Variants in DGKB observed in about 807,000 individuals in gnomAD.
DGKB encodes the protein diacylglycerol kinase beta.
A neutral mutation model predicts 114.3 loss-of-function variants in DGKB; 67 were observed. The observed-to-expected ratio is 0.59, with a 90% CI of 0.48 to 0.72. The LOEUF is 0.72. Ranked by LOEUF, DGKB falls within the 30% of genes least tolerant of loss-of-function variation. The probability of loss-of-function intolerance (pLI) is 0.00; values close to 1 mark genes in which losing one functional copy is unlikely to be tolerated. For synonymous variants in DGKB, 398 were observed against 323.1 expected (o/e 1.23, Z -2.49); for missense variants, 907 against 975.2 (o/e 0.93, Z 0.93).
intron 21 of DGKB, among the ~76,000 whole-genome samples, chr7:14,472,103 A>G (rs922897379): frequency 1.3e-5 from 2 of 152,212 alleles, no homozygotes; most frequent in Admixed American, 6.5e-5. Context: ...GGTGTTACAC[A>G]TTAAGAATTT....
chr7:14,530,422 C>T (rs1791386148), intron 20 of DGKB, among the ~76,000 whole-genome samples: 1 of 151,482 alleles, frequency 6.6e-6, no homozygotes. Context: ...GAAAAAAACC[C>T]TGTATGGAAG....
At chr7:14,307,720 T>C (rs967157553) in intron 23 of DGKB, among the ~76,000 whole-genome samples, 3 of 152,220 alleles carry the variant, frequency 2.0e-5, no homozygotes, top group Admixed American at 6.5e-5. Context: ...ACTTATACAT[T>C]GCTAAGTATA....
chr7:14,653,866 C>A (rs1336317169), intron 13 of DGKB, among the ~76,000 whole-genome samples: 1 of 151,934 alleles, frequency 6.6e-6, no homozygotes, highest in Non-Finnish European at 1.5e-5. Context: ...AAAAATTGGA[C>A]ATAGAATTAG....
At chr7:14,168,519 A>G (rs1784930411) in intron 25 of DGKB, among the ~76,000 whole-genome samples, 2 of 152,252 alleles carry the variant, frequency 1.3e-5, no homozygotes, top group African/African-American at 4.8e-5. Flanking sequence ...TCAAAGTCCA[A>G]CTGCTGAAAA....
chr7:14,966,947 G>A (rs931000418), intron 1 of DGKB, among the ~76,000 whole-genome samples: 1 of 151,886 alleles, frequency 6.6e-6, no homozygotes, highest in African/African-American at 2.4e-5. Context: ...TTCATCTTAA[G>A]GAAATATTAT....
Position 14,372,404 on chromosome 7 carries a change from C to T in DGKB, c.1836-27013G>A, listed in dbSNP as rs570329339. Among the ~76,000 whole-genome samples the T allele has an allele frequency of 4.1e-4, 62 of 152,206 alleles. 1 individual carries two copies. Among genetic ancestry groups the T allele is most frequent in the African/African-American group, 1.4e-3 (60 of 41,528 alleles). On this transcript the variant is annotated intron_variant, in intron 21 of 25. Coordinates refer to ENST00000402815, the MANE Select transcript of DGKB (RefSeq NM_001350709.2). ...CCTCTAATCTGCCATCTTGGGAGTG[C>T]GTAGTGGGGGGAACTATATTTTTAA...
intron 20 of DGKB, among the ~76,000 whole-genome samples, chr7:14,545,688 G>A (rs1269403268): frequency 6.6e-6 from 1 of 152,096 alleles, no homozygotes; most frequent in South Asian, 2.1e-4. Context: ...TGCTACACTG[G>A]GATCTGCTGG....
intron 4 of DGKB, among the ~76,000 whole-genome samples, chr7:14,746,518 CAA>C (rs774308129): frequency 5.3e-4 from 81 of 152,082 alleles, no homozygotes; most frequent in Non-Finnish European, 9.0e-4. Flanking sequence ...TTTTTTGAGA[CAA>C]AGTCTTGCTC....
intron 12 of DGKB, among the ~76,000 whole-genome samples, chr7:14,676,503 C>T (rs1385925835): frequency 6.6e-6 from 1 of 152,094 alleles, no homozygotes; most frequent in African/African-American, 2.4e-5. Flanking sequence ...GCTTATTTCA[C>T]ATTGCATGCC....
intron 17 of DGKB, among the ~76,000 whole-genome samples, chr7:14,584,818 C>G (rs1015073654): frequency 2.0e-5 from 3 of 151,970 alleles, no homozygotes; most frequent in Admixed American, 6.6e-5. Flanking sequence ...TGCCACCACG[C>G]CTGGCTAATT....
intron 21 of DGKB, among the ~76,000 whole-genome samples, chr7:14,411,545 G>A (rs1030769289): frequency 2.6e-4 from 40 of 152,120 alleles, no homozygotes; most frequent in Non-Finnish European, 5.0e-4. Context: ...GGTTCAAATT[G>A]TTGGTCTACC....
At chr7:14,745,935 G>A (rs1833218560) in intron 4 of DGKB, among the ~76,000 whole-genome samples, 1 of 152,162 alleles carries the variant, frequency 6.6e-6, no homozygotes, top group African/African-American at 2.4e-5. Flanking sequence ...TTTTCAGCAT[G>A]CAGGAAAACT....
rs144321152 is a variant in DGKB, at chr7:14,490,212, G to C, written c.1771-11987C>G. ...GTTAAGGTAGCCAAAACTTAAACCA[G>C]AATATATGTAACTATATGTAAATAG... On this transcript the variant is annotated intron_variant, in intron 20 of 25. Transcript: ENST00000402815. 1.2e-3 allele frequency among the ~76,000 whole-genome samples: 175 copies of C among 152,154 alleles called. 2 individuals are homozygous for C. The highest frequency in any genetic ancestry group is 4.0e-3 in the African/African-American group (168 of 41,522).
chr7:14,429,714 A>G (rs1377383954), intron 21 of DGKB, among the ~76,000 whole-genome samples: 1 of 152,136 alleles, frequency 6.6e-6, no homozygotes, highest in African/African-American at 2.4e-5. Flanking sequence ...CGAGGTCAGG[A>G]GTTCAAGACC....
chr7:14,620,840 C>A (rs1217115933), intron 15 of DGKB, among the ~76,000 whole-genome samples: 1 of 151,420 alleles, frequency 6.6e-6, no homozygotes, highest in African/African-American at 2.4e-5. Flanking sequence ...GTTTATTTAA[C>A]CTAGATATAT....
chr7:14,501,480 T>C (rs192692359), intron 20 of DGKB, among the ~76,000 whole-genome samples: 266 of 152,032 alleles, frequency 1.7e-3, no homozygotes, highest in Middle Eastern at 6.8e-3. Context: ...AAAGAGGTTG[T>C]TGAACCTCCA....
rs528424511 is a variant in DGKB at position 14,345,615 on chromosome 7, G to T, written c.1836-224C>A. On this transcript the variant is annotated intron_variant, in intron 21 of 25. Transcript: ENST00000402815. ...GAATGTGTTGATCTAGCAGACTCAA[G>T]TACACCTTTAGTTTTTTGTGGGTTC... Among the ~76,000 whole-genome samples the T allele has an allele frequency of 1.1e-4, 16 of 151,792 alleles. No homozygotes were observed. The East Asian group carries it at 3.1e-3, about 29-fold the overall frequency.
intron 20 of DGKB, among the ~76,000 whole-genome samples, chr7:14,518,415 A>G (rs1248059035): frequency 5.3e-5 from 8 of 152,028 alleles, no homozygotes; most frequent in Admixed American, 3.3e-4. Context: ...CCCATGACAC[A>G]CAACACATAA....
rs1443203378 is a variant in DGKB at position 14,265,264 on chromosome 7, C to T, written c.2122+73251G>A. On this transcript the variant is annotated intron_variant, in intron 23 of 25. Coordinates refer to ENST00000402815, the MANE Select transcript of DGKB (RefSeq NM_001350709.2). The stretch of plus-strand genomic sequence containing the variant: ...TTGGCTCGGGCTTACTTCTCTGATC[C>T]TACTGGTTAGCATACACTTTCTCAA... Among the ~76,000 whole-genome samples the T allele has an allele frequency of 4.9e-5, 7 of 144,230 alleles. 1 individual carries two copies. Among genetic ancestry groups the T allele is most frequent in the African/African-American group, 1.8e-4 (7 of 38,164 alleles). The allele number at this position is 144,230 out of a possible 152,430, so 94.6% of individuals were successfully genotyped here.
Sources: gnomAD v4.1 joint callset for allele counts (sites outside exome capture counted in the v4.1 genomes callset) on GRCh38, gnomAD v4.1.1 for gene constraint, MANE v1.5 for transcripts, NCBI Gene and HGNC (gene_info 2026-07-23, HGNC 2026-07-21) for gene names.